The following SFMBT2 variants were observed in gnomAD, a reference collection of about 807,000 sequenced individuals.
SFMBT2 encodes the protein Scm like with four mbt domains 2.
SFMBT2 carries 38 observed loss-of-function variants against 110.1 expected under a neutral mutation model. That is an observed-to-expected ratio of 0.35 (90% confidence interval 0.27 to 0.45). The LOEUF is 0.45. Ranked by LOEUF, SFMBT2 falls within the 20% of genes least tolerant of loss-of-function variation. SFMBT2 has a pLI of 1.00. For synonymous variants in SFMBT2, 425 were observed against 425.4 expected (o/e 1.00, Z 0.01); for missense variants, 1,011 against 1,094.9 (o/e 0.92, Z 1.08).
Position 7,171,891 on chromosome 10 carries a change from T to A in SFMBT2, c.2415+4A>T, listed in dbSNP as rs1292258705. On this transcript the variant is annotated splice_donor_region_variant and intron_variant, in intron 19 of 20. Coordinates refer to ENST00000397167, the MANE Select transcript of SFMBT2 (RefSeq NM_001387889.1). This position sits in a 1 kb window ranked among gnomAD's most constrained non-coding sequence, Gnocchi z 4.9. Reference sequence around the variant, plus strand: ...AGCCCTCTGTCCCCACGCCCGGGCATCACCTCTGTCCCCTCGGGCTTGGTC... The same window carrying A: ...AGCCCTCTGTCCCCACGCCCGGGCAACACCTCTGTCCCCTCGGGCTTGGTC... 5.7e-6 allele frequency: 8 copies of A among 1,414,294 alleles called. No individual in the cohort carries two copies. The highest frequency in any genetic ancestry group is 2.5e-4 in the Middle Eastern group (1 of 4,010). 87.6% of individuals were successfully genotyped at this position (1,414,294 alleles called of 1,614,324 possible).
intron 6 of SFMBT2, among the ~76,000 whole-genome samples, chr10:7,279,388 G>A (rs1802286645): frequency 6.6e-6 from 1 of 152,178 alleles, no homozygotes; most frequent in Non-Finnish European, 1.5e-5. Flanking sequence ...TCTTTCCAAT[G>A]GTGTTAAATC....
At chr10:7,333,712 T>C (rs1320799296) in intron 4 of SFMBT2, among the ~76,000 whole-genome samples, 1 of 149,874 alleles carries the variant, frequency 6.7e-6, no homozygotes, top group Non-Finnish European at 1.5e-5. Flanking sequence ...CTACACGGCC[T>C]CCCCGCTTTC....
At position 7,197,641 on chromosome 10, in the gene SFMBT2, G is replaced by T; in HGVS notation, c.1605C>A (p.His535Gln). 9 of 1,614,228 alleles carry T rather than the reference G, an allele frequency of 5.6e-6. No homozygotes were observed. Among genetic ancestry groups the T allele is most frequent in the Non-Finnish European group, 7.6e-6 (9 of 1,180,040 alleles). The change falls in exon 15 of 21, where the codon CAC becomes CAA. Residue 535 changes from histidine (H) to glutamine (Q), a missense_variant. Physicochemically the swap from His to Gln is conservative, Grantham distance 24. Transcript: ENST00000397167. ...KYCCPQLFIN[H>Q]RCFSGPYLNK... ...TCAGGTAAGGGCCTGAGAAACACCT[G>T]TGGTTGATGAAGAGCTGAGGACAGC... is the stretch of plus-strand genomic sequence containing the variant.
At chr10:7,303,044 AAT>A (rs944673481) in intron 4 of SFMBT2, among the ~76,000 whole-genome samples, 4 of 152,184 alleles carry the variant, frequency 2.6e-5, no homozygotes, top group African/African-American at 9.7e-5. Context: ...TGTAGCTGTC[AAT>A]AAGTCATTCT....
intron 4 of SFMBT2, among the ~76,000 whole-genome samples, chr10:7,327,037 C>T (rs1035258543): frequency 2.6e-5 from 4 of 151,942 alleles, no homozygotes; most frequent in Non-Finnish European, 5.9e-5. Context: ...CGTCTCCTCC[C>T]TGCTGTCCTT....
In SFMBT2 at chr10:7,162,430, G is replaced by C. The variant is rs1837573652; in HGVS notation, c.*1340C>G. 1 of 152,322 alleles carries C rather than the reference G, an allele frequency of 6.6e-6. No homozygotes were observed. The highest frequency in any genetic ancestry group is 2.4e-5 in the African/African-American group (1 of 41,392). The allele number at this position is 152,322 out of a possible 1,614,324, so 9.4% of individuals were successfully genotyped here. ...TGATGAGAAGTCACCCAAGATCTCA[G>C]AGTTTGTTCTCAGCGAAACCAGGGT... On this transcript the variant is annotated 3_prime_UTR_variant, in exon 21 of 21. Transcript: ENST00000397167.
intron 14 of SFMBT2, among the ~76,000 whole-genome samples, chr10:7,198,456 A>G (rs1838845262): frequency 6.6e-6 from 1 of 152,220 alleles, no homozygotes; most frequent in Non-Finnish European, 1.5e-5. Context: ...GCGCATCTGT[A>G]TCTTCAGTTT....
At chr10:7,306,254 A>G (rs1238961539) in intron 4 of SFMBT2, among the ~76,000 whole-genome samples, 1 of 152,220 alleles carries the variant, frequency 6.6e-6, no homozygotes, top group Non-Finnish European at 1.5e-5. Context: ...TTTCAGGCCA[A>G]ACTCCACCCA....
intron 1 of SFMBT2, among the ~76,000 whole-genome samples, chr10:7,406,968 G>A (rs1009917906): frequency 6.6e-6 from 1 of 150,812 alleles, no homozygotes; most frequent in South Asian, 2.1e-4. Context: ...CTCTTTGGTG[G>A]GGACCTAGAG....
chr10:7,242,817 T>C (rs2131717468), intron 9 of SFMBT2, among the ~76,000 whole-genome samples: 1 of 152,374 alleles, frequency 6.6e-6, no homozygotes, highest in African/African-American at 2.4e-5. Context: ...CCTAGAGATC[T>C]GGAAAGGTTA....
chr10:7,171,870 C>A lies in SFMBT2; in HGVS notation c.2415+25G>T. The A allele has an allele frequency of 7.1e-7, 1 of 1,405,528 alleles. No individual in the cohort carries two copies. Among genetic ancestry groups the A allele is most frequent in the Non-Finnish European group, 9.2e-7 (1 of 1,082,786 alleles). The allele number at this position is 1,405,528 out of a possible 1,614,324, so 87.1% of individuals were successfully genotyped here. On this transcript the variant is annotated intron_variant, in intron 19 of 20. Transcript: ENST00000397167. This position sits in a 1 kb window ranked among gnomAD's most constrained non-coding sequence, Gnocchi z 4.9. ...GCTTCTTCAGACCCAGCGGGAAGCCCTCTGTCCCCACGCCCGGGCATCACC... is the reference window on the plus strand; with the variant it reads ...GCTTCTTCAGACCCAGCGGGAAGCCATCTGTCCCCACGCCCGGGCATCACC...
chr10:7,410,118 A>G (rs1846332499), intron 1 of SFMBT2, among the ~76,000 whole-genome samples: 1 of 152,236 alleles, frequency 6.6e-6, no homozygotes, highest in Non-Finnish European at 1.5e-5. Flanking sequence ...AGCAATTTTG[A>G]AAGGGGGTCG....
At chr10:7,351,849 C>T (rs1251084144) in intron 4 of SFMBT2, among the ~76,000 whole-genome samples, 1 of 148,794 alleles carries the variant, frequency 6.7e-6, no homozygotes, top group Admixed American at 6.6e-5. Context: ...TTTGTCAAGG[C>T]CTATTAAAGC....
chr10:7,194,270 G>A (rs564703790), intron 15 of SFMBT2, among the ~76,000 whole-genome samples: 3 of 152,192 alleles, frequency 2.0e-5, no homozygotes, highest in South Asian at 4.1e-4. Context: ...AGACACGCTC[G>A]TGGTCCTGCC....
Position 7,293,224 on chromosome 10 carries a change from G to A in SFMBT2, c.437-7270C>T, listed in dbSNP as rs1280443391. On this transcript the variant is annotated intron_variant, in intron 4 of 20. Coordinates refer to ENST00000397167, the MANE Select transcript of SFMBT2 (RefSeq NM_001387889.1). This position sits in a 1 kb window ranked among gnomAD's most constrained non-coding sequence, Gnocchi z 4.6. ...CCACCATCTCCAGCCTCAGCTTCCC[G>A]AGTAGCTGGGACTACAGGCACGCCC... 1.3e-5 allele frequency among the ~76,000 whole-genome samples: 2 copies of A among 151,866 alleles called. No homozygotes were observed. The highest frequency in any genetic ancestry group is 4.8e-5 in the African/African-American group (2 of 41,360).
At chr10:7,191,434 C>A (rs923682302) in intron 15 of SFMBT2, among the ~76,000 whole-genome samples, 4 of 152,000 alleles carry the variant, frequency 2.6e-5, no homozygotes, top group African/African-American at 9.7e-5. Context: ...TCCCAACAAC[C>A]GCCAGGGCGA....
chr10:7,223,813 C>A (rs1169751268), intron 10 of SFMBT2, among the ~76,000 whole-genome samples: 1 of 152,170 alleles, frequency 6.6e-6, no homozygotes, highest in East Asian at 1.9e-4. Context: ...GGGCTTCTCC[C>A]CAACGTTTTG....
In SFMBT2 at chr10:7,163,633, G is replaced by T; in HGVS notation, c.*137C>A. ...AGCTCACAGGCTGGCGGAGGCAGAA[G>T]ATCCTGGGCTTCTGGTTTTCTGGTG... On this transcript the variant is annotated 3_prime_UTR_variant, in exon 21 of 21. Transcript: ENST00000397167. This position sits in a 1 kb window ranked among gnomAD's most constrained non-coding sequence, Gnocchi z 4.8. 1 of 748,150 alleles carries T rather than the reference G, an allele frequency of 1.3e-6. No individual in the cohort carries two copies. Among genetic ancestry groups the T allele is most frequent in the South Asian group, 1.9e-5 (1 of 53,352 alleles). The allele number at this position is 748,150 out of a possible 1,614,324, so 46.3% of individuals were successfully genotyped here. A position where few individuals can be genotyped will look rare whatever the true frequency, so the allele number is the denominator to read the frequency against.
In SFMBT2 at chr10:7,381,863, G is replaced by C; in HGVS notation, c.36C>G (p.Asp12Glu). 1 of 1,612,438 alleles carries C rather than the reference G, an allele frequency of 6.2e-7. No homozygotes were observed. The highest frequency in any genetic ancestry group is 8.5e-7 in the Non-Finnish European group (1 of 1,179,044). Residue 12 changes from aspartate to glutamate, a missense_variant, in exon 2 of 21, where the codon GAC (aspartate) becomes GAG (glutamate). Physicochemically the swap from Asp to Glu is conservative, Grantham distance 45 (BLOSUM62 2). This residue lies in a region of SFMBT2 where 979 missense variants were observed against 1,016.1 expected (regional missense o/e 0.96). Transcript: ENST00000397167. ...ESTLSASNMQ[D>E]PSSSPLEKCL... ...ACTTTTCCAAGGGTGAAGATGAAGG[G>C]TCTTGCATATTGGAAGCTGACAAAG...
Sources: allele counts gnomAD v4.1 joint callset (sites outside exome capture counted in the v4.1 genomes callset), GRCh38; gene constraint gnomAD v4.1.1; regional missense constraint gnomAD v4.1.1; non-coding constraint Gnocchi (gnomAD v3.1); transcripts MANE v1.5; gene names NCBI Gene and HGNC (gene_info 2026-07-23, HGNC 2026-07-21).